GEMIN8: variants seen among roughly 807,000 people sequenced by gnomAD.
The protein encoded by GEMIN8 is gem nuclear organelle associated protein 8.
For synonymous variants in GEMIN8, 80 were observed against 78.5 expected (o/e 1.02, Z -0.10); for missense variants, 185 against 205.9 (o/e 0.90, Z 0.62).
chrX:14,029,385 C>T (rs1924864917), intron 1 of GEMIN8: 1 of 112,395 alleles, frequency 8.9e-6, no homozygotes, highest in Non-Finnish European at 1.9e-5. Context: ...TCCGAATTCA[C>T]CTACAGACCT....
chrX:13,992,644 C>G, the GEMIN8 span, among the ~76,000 whole-genome samples: 1 of 111,161 alleles, frequency 9.0e-6, no homozygotes, highest in African/African-American at 3.3e-5. Flanking sequence ...TTTTGAGAAG[C>G]AAGGTCCTAG....
downstream of GEMIN8, among the ~76,000 whole-genome samples, chrX:14,005,766 G>A (rs900805592): frequency 8.9e-6 from 1 of 112,093 alleles, no homozygotes; most frequent in Non-Finnish European, 1.9e-5. Flanking sequence ...CCTCCAGATA[G>A]ATAGTGTCAG....
downstream of GEMIN8, among the ~76,000 whole-genome samples, chrX:14,006,548 C>T (rs1031587541): frequency 3.6e-5 from 4 of 111,561 alleles, no homozygotes; most frequent in Admixed American, 9.5e-5. Context: ...AAACGAGTCA[C>T]GTGTGCCTTG....
At chrX:14,014,961 C>T (rs971150822) in intron 4 of GEMIN8, among the ~76,000 whole-genome samples, 1 of 111,915 alleles carries the variant, frequency 8.9e-6, no homozygotes, top group African/African-American at 3.3e-5. Flanking sequence ...GCCTGGGTCA[C>T]TGGCTCTACC....
At chrX:14,002,329 TGATAGATAGATAGATAGATA>T (rs58599457), downstream of GEMIN8, among the ~76,000 whole-genome samples, 7 of 99,556 alleles carry the variant, frequency 7.0e-5, no homozygotes, top group South Asian at 4.8e-4. Context: ...GATAGATAGG[TGATAGATAGATAGATAGATA>T]GATAGATAGA....
At chrX:14,028,291 G>C (rs1323939691) in intron 1 of GEMIN8, among the ~76,000 whole-genome samples, 2 of 111,635 alleles carry the variant, frequency 1.8e-5, no homozygotes, top group Non-Finnish European at 3.8e-5. Context: ...GAGCTTGTCT[G>C]TTGTTTCCTG....
chrX:14,002,517 C>T (rs904057296), downstream of GEMIN8, among the ~76,000 whole-genome samples: 12 of 110,922 alleles, frequency 1.1e-4, no homozygotes, highest in African/African-American at 3.0e-4. Context: ...GATGGAGTTT[C>T]GCTCTTGTCG....
chrX:14,021,913 TATGTATA>T (rs201031881), intron 2 of GEMIN8, among the ~76,000 whole-genome samples: 2,889 of 97,815 alleles, frequency 0.03, 65 homozygotes, highest in Middle Eastern at 0.077. Context: ...AGATAATGTA[TATGTATA>T]ATGTATAATG....
chrX:14,020,704 C>A (rs1445598408), intron 3 of GEMIN8, 170 bp from the exon 4 acceptor site: 2 of 431,569 alleles, frequency 4.6e-6, no homozygotes, highest in Admixed American at 4.0e-5. Flanking sequence ...TAGGTCCAGG[C>A]CCACAGTGGA....
Position 14,020,314 on chromosome X carries a change from T to G in GEMIN8, c.236A>C (p.His79Pro), listed in dbSNP as rs779033647. 8.3e-7 allele frequency: 1 copy of G among 1,208,677 alleles called. No individual in the cohort carries two copies. Among genetic ancestry groups the G allele is most frequent in the African/African-American group, 1.7e-5 (1 of 57,778 alleles). The part of the protein sequence containing the change: ...EAAYPQSFYD[H>P]HVAWQDYPCS... ...GGGGTAGTCCTGCCAGGCCACATGA[T>G]GGTCATAGAAGGACTGAGGATACGC... The change falls in exon 4 of 5, where the codon CAT (histidine) becomes CCT (proline). Residue 79 changes from histidine (H) to proline (P), a missense_variant. His to Pro is a moderately conservative substitution (Grantham distance 77). Transcript: ENST00000680255.
chrX:13,986,372 G>A, the GEMIN8 span, among the ~76,000 whole-genome samples: 5 of 112,487 alleles, frequency 4.4e-5, no homozygotes, highest in Admixed American at 9.4e-5. Context: ...AATCACAGTA[G>A]CTCAAGAAAA....
chrX:14,016,801 C>T (rs1923931349), intron 4 of GEMIN8, among the ~76,000 whole-genome samples: 1 of 89,285 alleles, frequency 1.1e-5, no homozygotes, highest in Non-Finnish European at 2.1e-5. Context: ...GCTGAGATGG[C>T]GCCACTGTAC....
In GEMIN8 at chrX:14,020,396, G is replaced by T; in HGVS notation, c.154C>A (p.Leu52Ile). Residue 52 changes from leucine to isoleucine, a missense_variant, in exon 4 of 5, where the codon CTT becomes ATT. Coordinates refer to ENST00000680255, the MANE Select transcript of GEMIN8 (RefSeq NM_001042479.2). ...YRKAVESCFN[L>I]PWYLPSALLP... is the part of the protein sequence containing the mutation. ...AGCGCAGAAGGTAAGTACCATGGAA[G>T]ATTGAAACAGGATTCCACGGCCTTC... 8.3e-7 allele frequency: 1 copy of T among 1,209,363 alleles called. No individual in the cohort carries two copies. Among genetic ancestry groups the T allele is most frequent in the African/African-American group, 1.7e-5 (1 of 57,767 alleles).
the GEMIN8 span, among the ~76,000 whole-genome samples, chrX:13,984,712 C>G: frequency 6.3e-5 from 7 of 110,816 alleles, no homozygotes; most frequent in South Asian, 2.3e-3. Context: ...CCAGGACACA[C>G]TAGGCAAGTG....
At chrX:14,021,579 T>C (rs1603200838) in intron 2 of GEMIN8, 68 bp from the exon 3 acceptor site, 4 of 775,396 alleles carry the variant, frequency 5.2e-6, no homozygotes, top group East Asian at 3.3e-5. Context: ...GGCTATTCTA[T>C]GGTTTGTGAG....
the GEMIN8 span, among the ~76,000 whole-genome samples, chrX:13,992,262 C>T: frequency 8.9e-6 from 1 of 112,209 alleles, no homozygotes; most frequent in Non-Finnish European, 1.9e-5. Context: ...TCTCAGAGGC[C>T]ACCATTTTCA....
At chrX:14,013,874 G>A in intron 4 of GEMIN8, 1 of 587,097 alleles carries the variant, frequency 1.7e-6, no homozygotes, top group Non-Finnish European at 2.1e-6. Flanking sequence ...TATGCATATA[G>A]GTTAAAACAA....
chrX:13,987,677 A>G, the GEMIN8 span, among the ~76,000 whole-genome samples: 1 of 111,997 alleles, frequency 8.9e-6, no homozygotes, highest in Non-Finnish European at 1.9e-5. Context: ...CCTCTAATGT[A>G]TGGGGAACAC....
At chrX:14,019,700 C>G (rs1472697137) in intron 4 of GEMIN8, among the ~76,000 whole-genome samples, 3 of 111,808 alleles carry the variant, frequency 2.7e-5, no homozygotes, top group Admixed American at 9.5e-5. Flanking sequence ...GTCAATTAAC[C>G]TTTTTAAGGT....
Sources: gnomAD v4.1 joint callset for allele counts (sites outside exome capture counted in the v4.1 genomes callset) on GRCh38, gnomAD v4.1.1 for gene constraint, MANE v1.5 for transcripts, NCBI Gene and HGNC (gene_info 2026-07-23, HGNC 2026-07-21) for gene names.